SLC4A4: variants seen among roughly 807,000 people sequenced by gnomAD.
The protein encoded by SLC4A4 is solute carrier family 4 member 4.
SLC4A4 carries 27 observed loss-of-function variants against 111.5 expected under a neutral mutation model. The observed-to-expected ratio is 0.24, with a 90% CI of 0.18 to 0.33. The LOEUF (loss-of-function observed/expected upper bound fraction) is 0.33, where lower values mean the gene tolerates loss of function less well. SLC4A4 is among the 10% of genes least tolerant of loss of function. SLC4A4 has a pLI of 1.00. For missense variants in SLC4A4, 909 were observed against 1,315.5 expected, an observed-to-expected ratio of 0.69 and a Z score of 4.78; for synonymous variants, 443 against 463.4, an observed-to-expected ratio of 0.96 and a Z score of 0.57.
chr4:71,493,971 G>A (rs4536899), intron 15 of SLC4A4, among the ~76,000 whole-genome samples: 88,911 of 151,742 alleles, frequency 0.59, 28,810 homozygotes, highest in Non-Finnish European at 0.75. Context: ...CTTTTTCATA[G>A]TGTTTTGTGG....
intron 2 of SLC4A4, among the ~76,000 whole-genome samples, chr4:71,116,979 T>G (rs573398767): frequency 1.3e-5 from 2 of 152,094 alleles, no homozygotes; most frequent in African/African-American, 4.8e-5. Context: ...AATTGTTTAT[T>G]TATTTATTTA....
chr4:71,424,612 C>T (rs1722918630), intron 7 of SLC4A4, among the ~76,000 whole-genome samples: 1 of 152,038 alleles, frequency 6.6e-6, no homozygotes. Context: ...CAATGATAGA[C>T]TGAATTAAGA....
intron 6 of SLC4A4, among the ~76,000 whole-genome samples, chr4:71,358,335 A>C (rs147993096): frequency 4.9e-4 from 74 of 150,816 alleles, no homozygotes; most frequent in African/African-American, 1.7e-3. Context: ...AAAAAGAGAG[A>C]GAGAGATGAG....
At chr4:71,474,117 CAAAAAA>C (rs55943109) in intron 14 of SLC4A4, among the ~76,000 whole-genome samples, 1 of 121,350 alleles carries the variant, frequency 8.2e-6, no homozygotes, top group Admixed American at 8.2e-5. Context: ...AAGACCCTGT[CAAAAAA>C]AAAAAAAAAA....
intron 16 of SLC4A4, among the ~76,000 whole-genome samples, chr4:71,516,986 T>A (rs1732463410): frequency 6.6e-6 from 1 of 152,214 alleles, no homozygotes; most frequent in Non-Finnish European, 1.5e-5. Context: ...GGAACTCTCT[T>A]GTATGTGATT....
At chr4:71,327,560 A>G (rs1191707947) in intron 3 of SLC4A4, among the ~76,000 whole-genome samples, 1 of 152,064 alleles carries the variant, frequency 6.6e-6, no homozygotes, top group East Asian at 1.9e-4. Context: ...AAAATTAATG[A>G]TATAACAAAT....
At chr4:71,463,881 A>G (rs1239031971) in intron 12 of SLC4A4, among the ~76,000 whole-genome samples, 1 of 152,212 alleles carries the variant, frequency 6.6e-6, no homozygotes, top group Admixed American at 6.5e-5. Context: ...TGTCAAATCA[A>G]GTAGAGAATG....
intron 2 of SLC4A4, among the ~76,000 whole-genome samples, chr4:71,138,074 GTC>G (rs1743893919): frequency 6.6e-6 from 1 of 152,158 alleles, no homozygotes; most frequent in Non-Finnish European, 1.5e-5. Context: ...GTCATAGCAG[GTC>G]TCTAAAAGAT....
intron 4 of SLC4A4, among the ~76,000 whole-genome samples, chr4:71,340,208 A>G (rs1002830078): frequency 6.6e-5 from 10 of 152,150 alleles, no homozygotes; most frequent in African/African-American, 2.4e-4. Context: ...TGGGTGACAG[A>G]TTGAAACCCT....
intron 20 of SLC4A4, among the ~76,000 whole-genome samples, chr4:71,553,890 T>C (rs899139290): frequency 2.0e-5 from 3 of 151,848 alleles, no homozygotes; most frequent in Admixed American, 6.6e-5. Context: ...TCACTTTTAG[T>C]TTTTTCTGAC....
intron 3 of SLC4A4, among the ~76,000 whole-genome samples, chr4:71,311,233 A>T (rs1163975205): frequency 1.3e-5 from 2 of 152,174 alleles, no homozygotes; most frequent in Non-Finnish European, 2.9e-5. Context: ...AGACTCCCAC[A>T]CAGTAATAGT....
intron 13 of SLC4A4, among the ~76,000 whole-genome samples, chr4:71,470,317 G>C (rs1727750808): frequency 6.6e-6 from 1 of 151,960 alleles, no homozygotes; most frequent in South Asian, 2.1e-4. Context: ...GTCTATTGAA[G>C]ATAACTTTAC....
intron 2 of SLC4A4, among the ~76,000 whole-genome samples, chr4:71,134,763 G>T (rs917133840): frequency 1.3e-5 from 2 of 152,212 alleles, no homozygotes; most frequent in Non-Finnish European, 2.9e-5. Flanking sequence ...AGTCCACAAG[G>T]CTGTACTAGT....
At chr4:71,443,854 A>C (rs1039717475) in intron 8 of SLC4A4, among the ~76,000 whole-genome samples, 10 of 152,230 alleles carry the variant, frequency 6.6e-5, no homozygotes, top group Non-Finnish European at 1.5e-4. Context: ...CCATTAAAAA[A>C]ACTTAGAGGG....
chr4:71,304,719 T>C (rs1036794170), intron 3 of SLC4A4, among the ~76,000 whole-genome samples: 19 of 152,214 alleles, frequency 1.2e-4, no homozygotes, highest in African/African-American at 4.6e-4. Flanking sequence ...AAATTCTGGG[T>C]CCAGATTCTC....
intron 7 of SLC4A4, among the ~76,000 whole-genome samples, chr4:71,432,233 C>T (rs1361003808): frequency 3.9e-5 from 6 of 152,080 alleles, no homozygotes; most frequent in Non-Finnish European, 7.4e-5. Flanking sequence ...CTGCCTAACT[C>T]GAGCAAGGAG....
chr4:71,284,392 G>T (rs1723748453), intron 3 of SLC4A4, among the ~76,000 whole-genome samples: 1 of 152,210 alleles, frequency 6.6e-6, no homozygotes. Context: ...TCCGTTCCAT[G>T]TGTGGATGGT....
chr4:71,374,761 G>T (rs542904888), intron 6 of SLC4A4, among the ~76,000 whole-genome samples: 2 of 152,062 alleles, frequency 1.3e-5, no homozygotes, highest in East Asian at 3.9e-4. Flanking sequence ...AAAAACGTTG[G>T]CAGTCTGCTA....
At chr4:71,281,644 T>C (rs1348131097) in intron 3 of SLC4A4, among the ~76,000 whole-genome samples, 1 of 152,224 alleles carries the variant, frequency 6.6e-6, no homozygotes, top group African/African-American at 2.4e-5. Flanking sequence ...GAAGTGATAA[T>C]TGAAGTTTAA....
Sources: gnomAD v4.1 joint callset for allele counts (sites outside exome capture counted in the v4.1 genomes callset) on GRCh38, gnomAD v4.1.1 for gene constraint, MANE v1.5 for transcripts, NCBI Gene and HGNC (gene_info 2026-07-23, HGNC 2026-07-21) for gene names.